Variants in SGCD observed in about 807,000 individuals in gnomAD.
The protein encoded by SGCD is delta-sarcoglycan.
A neutral mutation model predicts 36.6 loss-of-function variants in SGCD; 18 were observed. The ratio of observed to expected loss-of-function variants is 0.49; its 90% confidence interval spans 0.34 to 0.73. The LOEUF (loss-of-function observed/expected upper bound fraction) is 0.73. SGCD is among the 30% of genes least tolerant of loss of function. The pLI is 0.01. For synonymous variants in SGCD, 133 were observed against 130.6 expected (o/e 1.02, Z -0.12); for missense variants, 387 against 346.7 (o/e 1.12, Z -0.92).
intron 3 of SGCD, among the ~76,000 whole-genome samples, chr5:156,137,911 T>C (rs1310727302): frequency 6.6e-6 from 1 of 152,184 alleles, no homozygotes; most frequent in Non-Finnish European, 1.5e-5. Context: ...ATTTTTATAC[T>C]CAACTTTCCT....
At chr5:156,548,082 T>G (rs1409443985) in intron 4 of SGCD, among the ~76,000 whole-genome samples, 1 of 152,210 alleles carries the variant, frequency 6.6e-6, no homozygotes, top group Non-Finnish European at 1.5e-5. Flanking sequence ...TGCTTCTTTA[T>G]TTATGTCCAA....
At chr5:156,150,686 T>C (rs1470540418) in intron 3 of SGCD, among the ~76,000 whole-genome samples, 1 of 151,718 alleles carries the variant, frequency 6.6e-6, no homozygotes, top group African/African-American at 2.4e-5. Flanking sequence ...CGCAGTGATC[T>C]TTAGACTGTG....
chr5:156,619,587 G>C (rs280465), intron 6 of SGCD, among the ~76,000 whole-genome samples: 48,267 of 151,930 alleles, frequency 0.32, 8,563 homozygotes, highest in African/African-American at 0.49. Flanking sequence ...ATTATATTAC[G>C]CTTGTAGAAC....
chr5:155,872,472 T>A (rs1755675518), intron 1 of SGCD, among the ~76,000 whole-genome samples: 1 of 152,126 alleles, frequency 6.6e-6, no homozygotes, highest in South Asian at 2.1e-4. Context: ...AACTTACTTT[T>A]AAAAATCCAA....
chr5:156,222,963 G>A (rs1285397742), intron 3 of SGCD, among the ~76,000 whole-genome samples: 4 of 151,950 alleles, frequency 2.6e-5, no homozygotes, highest in African/African-American at 9.7e-5. Flanking sequence ...TGATTCTTAT[G>A]CACCTCCCTG....
intron 6 of SGCD, among the ~76,000 whole-genome samples, chr5:156,603,690 T>A (rs1208327388): frequency 6.6e-6 from 1 of 152,070 alleles, no homozygotes. Context: ...GACTGTTGTT[T>A]ACATGTATTT....
intron 3 of SGCD, among the ~76,000 whole-genome samples, chr5:156,507,110 G>T (rs900865824): frequency 1.6e-4 from 24 of 152,252 alleles, no homozygotes; most frequent in Non-Finnish European, 2.8e-4. Flanking sequence ...CAGAACCCAT[G>T]AATGTATTAT....
At chr5:156,568,082 A>C (rs747779480) in intron 4 of SGCD, among the ~76,000 whole-genome samples, 36 of 152,168 alleles carry the variant, frequency 2.4e-4, no homozygotes, top group Non-Finnish European at 4.4e-4. Flanking sequence ...AGCTTCTAAG[A>C]GGTAGGGATA....
intron 3 of SGCD, among the ~76,000 whole-genome samples, chr5:156,482,981 C>T (rs1374240791): frequency 6.6e-6 from 1 of 152,084 alleles, no homozygotes; most frequent in Non-Finnish European, 1.5e-5. Flanking sequence ...ACCTCAGCCT[C>T]TAGCCACCAG....
chr5:156,129,821 T>C (rs1249932972), intron 3 of SGCD, among the ~76,000 whole-genome samples: 1 of 152,136 alleles, frequency 6.6e-6, no homozygotes, highest in Non-Finnish European at 1.5e-5. Flanking sequence ...AACATGATGT[T>C]GTTCTTTTTT....
chr5:156,589,975 G>A (rs146348473), intron 5 of SGCD, among the ~76,000 whole-genome samples: 4 of 152,274 alleles, frequency 2.6e-5, no homozygotes, highest in African/African-American at 4.8e-5. Context: ...CATGGACCTC[G>A]TGATTTGGTA....
At chr5:156,603,417 T>C (rs1761281680) in intron 6 of SGCD, among the ~76,000 whole-genome samples, 1 of 152,076 alleles carries the variant, frequency 6.6e-6, no homozygotes, top group African/African-American at 2.4e-5. Context: ...ATAATCTCTT[T>C]TTTAATTCTA....
chr5:156,098,425 G>A (rs781144048), intron 1 of SGCD, among the ~76,000 whole-genome samples: 13 of 152,112 alleles, frequency 8.5e-5, no homozygotes, highest in Non-Finnish European at 1.8e-4. Context: ...TATTTGCTTA[G>A]AAGCACATAC....
At chr5:155,939,669 T>C (rs1757285150) in intron 1 of SGCD, among the ~76,000 whole-genome samples, 1 of 148,792 alleles carries the variant, frequency 6.7e-6, no homozygotes, top group Non-Finnish European at 1.5e-5. Context: ...ATAATAATAA[T>C]GAAAAAAATC....
chr5:156,344,341 G>T, intron 2 of SGCD, 148 bp from the exon 3 acceptor site: 1 of 574,816 alleles, frequency 1.7e-6, no homozygotes. Context: ...TTGTCCAGAG[G>T]AAACAGATTT....
At chr5:156,675,070 G>A (rs762032879) in intron 7 of SGCD, among the ~76,000 whole-genome samples, 6 of 152,128 alleles carry the variant, frequency 3.9e-5, no homozygotes, top group Non-Finnish European at 7.4e-5. Flanking sequence ...GCAGCACTTG[G>A]TAAAGATGAG....
At chr5:156,607,489 A>G (rs1281935765) in intron 6 of SGCD, among the ~76,000 whole-genome samples, 1 of 152,158 alleles carries the variant, frequency 6.6e-6, no homozygotes, top group Non-Finnish European at 1.5e-5. Flanking sequence ...TTCATCAGGG[A>G]TATTGGTCTA....
intron 1 of SGCD, among the ~76,000 whole-genome samples, chr5:155,993,328 T>C (rs1581031752): frequency 6.7e-6 from 1 of 150,052 alleles, no homozygotes; most frequent in African/African-American, 2.4e-5. Context: ...TTAATACAAA[T>C]CTGGGGTCCT....
intron 3 of SGCD, among the ~76,000 whole-genome samples, chr5:156,284,729 A>G (rs1766548557): frequency 6.6e-6 from 1 of 152,208 alleles, no homozygotes; most frequent in Non-Finnish European, 1.5e-5. Context: ...CTGAATGGGC[A>G]AAAACTGGAA....
Sources: allele counts gnomAD v4.1 joint callset (sites outside exome capture counted in the v4.1 genomes callset), GRCh38; gene constraint gnomAD v4.1.1; transcripts MANE v1.5; gene names NCBI Gene and HGNC (gene_info 2026-07-23, HGNC 2026-07-21).